Variants in KAT2B observed in about 807,000 individuals in gnomAD.
KAT2B encodes histone acetyltransferase KAT2B.
KAT2B carries 36 observed loss-of-function variants against 105.9 expected under a neutral mutation model. The observed-to-expected ratio is 0.34, with a 90% CI of 0.26 to 0.45. The LOEUF is 0.45. Ranked by LOEUF, KAT2B falls within the 20% of genes least tolerant of loss-of-function variation. KAT2B has a pLI of 1.00. For synonymous variants in KAT2B, 397 were observed against 377.9 expected, an observed-to-expected ratio of 1.05 and a Z score of -0.59; for missense variants, 820 against 1,021.6, an observed-to-expected ratio of 0.80 and a Z score of 2.69.
rs747790685 is a variant in KAT2B at position 20,140,265 on chromosome 3, C to T, written c.1905C>T (p.Gly635=). The change falls in exon 13 of 18, where the codon GGC becomes GGT. Residue 635 remains glycine, a synonymous_variant. Coordinates refer to ENST00000263754, the MANE Select transcript of KAT2B (RefSeq NM_003884.5). The part of the protein sequence containing the change: ...EIKIPKTKYV[G]YIKDYEGATL... Reference sequence around the variant, plus strand: ...AAATACCTAAAACCAAATATGTTGGCTATATCAAGGATTATGAAGGAGCCA... The same window carrying T: ...AAATACCTAAAACCAAATATGTTGGTTATATCAAGGATTATGAAGGAGCCA... The T allele has an allele frequency of 1.2e-6, 2 of 1,611,282 alleles. No individual in the cohort carries two copies. Among genetic ancestry groups the T allele is most frequent in the East Asian group, 2.2e-5 (1 of 44,850 alleles).
At chr3:20,143,856 G>A (rs1699736363) in intron 13 of KAT2B, among the ~76,000 whole-genome samples, 1 of 152,098 alleles carries the variant, frequency 6.6e-6, no homozygotes, top group Non-Finnish European at 1.5e-5. Context: ...ACAAAGATGG[G>A]AACAGTAGAC....
At chr3:20,128,269 A>G (rs1699446326) in intron 11 of KAT2B, among the ~76,000 whole-genome samples, 1 of 152,238 alleles carries the variant, frequency 6.6e-6, no homozygotes, top group Admixed American at 6.5e-5. Context: ...GTGACACTGA[A>G]CTACTGGAAA....
Position 20,108,366 on chromosome 3 carries a change from C to T in KAT2B, c.852-3230C>T, listed in dbSNP as rs545886111. On this transcript the variant is annotated intron_variant, in intron 5 of 17. Coordinates refer to ENST00000263754, the MANE Select transcript of KAT2B (RefSeq NM_003884.5). ...TTGGATAGCAGAGACATAGAATCAT[C>T]CCCATCATCAGTGAAAGCTTTATTG... 1.2e-3 allele frequency among the ~76,000 whole-genome samples: 178 copies of T among 152,268 alleles called. 1 individual carries two copies. Among genetic ancestry groups the T allele is most frequent in the Non-Finnish European group, 1.1e-3 (78 of 68,016 alleles).
chr3:20,130,545 A>C (rs772757307), intron 11 of KAT2B, among the ~76,000 whole-genome samples: 22 of 152,336 alleles, frequency 1.4e-4, no homozygotes, highest in African/African-American at 5.3e-4. Flanking sequence ...ATTTTCAAAG[A>C]TAGCTATACC....
chr3:20,085,969 C>CT (rs1278896779), intron 2 of KAT2B, among the ~76,000 whole-genome samples: 1 of 151,926 alleles, frequency 6.6e-6, no homozygotes, highest in East Asian at 1.9e-4. Context: ...CTCTTCTTAC[C>CT]TTTTAAAAAT....
At chr3:20,099,215 G>A (rs1458807440) in intron 3 of KAT2B, among the ~76,000 whole-genome samples, 1 of 152,150 alleles carries the variant, frequency 6.6e-6, no homozygotes, top group African/African-American at 2.4e-5. Flanking sequence ...GCATTGAGAT[G>A]CCAGAACAGT....
At chr3:20,125,098 A>C (rs1050021891) in intron 9 of KAT2B, among the ~76,000 whole-genome samples, 3 of 152,128 alleles carry the variant, frequency 2.0e-5, no homozygotes, top group African/African-American at 7.2e-5. Flanking sequence ...CGAGGCGGGC[A>C]GATCACGAGG....
At chr3:20,076,065 G>A (rs1698413706) in intron 2 of KAT2B, among the ~76,000 whole-genome samples, 1 of 151,942 alleles carries the variant, frequency 6.6e-6, no homozygotes, top group Non-Finnish European at 1.5e-5. Flanking sequence ...GGTTATCTGT[G>A]CACTATCTTA....
At chr3:20,128,658 T>C (rs1256354241) in intron 11 of KAT2B, among the ~76,000 whole-genome samples, 1 of 152,170 alleles carries the variant, frequency 6.6e-6, no homozygotes, top group African/African-American at 2.4e-5. Context: ...CTATACCTTG[T>C]CCTGTTCTAC....
intron 1 of KAT2B, among the ~76,000 whole-genome samples, chr3:20,052,938 T>C (rs1697940929): frequency 6.6e-6 from 1 of 152,228 alleles, no homozygotes; most frequent in Non-Finnish European, 1.5e-5. Flanking sequence ...ATTGCGCCAC[T>C]GCACTCCAGC....
Position 20,111,806 on chromosome 3 carries a change from T to C in KAT2B, c.1043+19T>C. ...TCCCAAAGTAAGGGAGAGTTTTTGCTGGTCTTTGTTTGATCCCAGAGCTTG... is the reference window on the plus strand; with the variant it reads ...TCCCAAAGTAAGGGAGAGTTTTTGCCGGTCTTTGTTTGATCCCAGAGCTTG... On this transcript the variant is annotated intron_variant, in intron 6 of 17. Coordinates refer to ENST00000263754, the MANE Select transcript of KAT2B (RefSeq NM_003884.5). 6.3e-7 allele frequency: 1 copy of C among 1,599,060 alleles called. No homozygotes were observed. Among genetic ancestry groups the C allele is most frequent in the Non-Finnish European group, 8.5e-7 (1 of 1,171,246 alleles).
intron 11 of KAT2B, among the ~76,000 whole-genome samples, chr3:20,134,883 C>T (rs538040224): frequency 6.6e-6 from 1 of 152,082 alleles, no homozygotes; most frequent in African/African-American, 2.4e-5. Flanking sequence ...CTTTTTTTTA[C>T]TTAATATGTC....
chr3:20,079,727 A>G (rs975394085), intron 2 of KAT2B, among the ~76,000 whole-genome samples: 1 of 152,146 alleles, frequency 6.6e-6, no homozygotes, highest in African/African-American at 2.4e-5. Flanking sequence ...CCATTTATAC[A>G]TGTACTGTGC....
At chr3:20,084,307 A>G (rs114312770) in intron 2 of KAT2B, among the ~76,000 whole-genome samples, 2,920 of 152,206 alleles carry the variant, frequency 0.019, 56 homozygotes, top group Non-Finnish European at 0.028. Context: ...TGTTTATTCT[A>G]GGAAGCTTAA....
intron 1 of KAT2B, among the ~76,000 whole-genome samples, chr3:20,045,413 C>T (rs975417305): frequency 1.1e-4 from 16 of 151,718 alleles, no homozygotes; most frequent in South Asian, 4.2e-4. Flanking sequence ...TACACTGGCA[C>T]GATCATAGCT....
chr3:20,049,855 TATAG>T (rs1329424799), intron 1 of KAT2B, among the ~76,000 whole-genome samples: 1 of 152,160 alleles, frequency 6.6e-6, no homozygotes, highest in East Asian at 1.9e-4. Context: ...CTACTCAGGC[TATAG>T]AAGGTGCCAA....
At chr3:20,068,145 C>T (rs1238879506) in intron 1 of KAT2B, among the ~76,000 whole-genome samples, 1 of 151,228 alleles carries the variant, frequency 6.6e-6, no homozygotes, top group Admixed American at 6.6e-5. Context: ...TACAGGTGTG[C>T]ACCACCATGC....
At chr3:20,096,324 A>G (rs545635030) in intron 3 of KAT2B, among the ~76,000 whole-genome samples, 2 of 152,238 alleles carry the variant, frequency 1.3e-5, no homozygotes, top group East Asian at 1.9e-4. Flanking sequence ...TCCATTCCCT[A>G]CTATAGACAT....
intron 5 of KAT2B, among the ~76,000 whole-genome samples, chr3:20,107,016 T>TATATATATATATATATATATATATA (rs1559316269): frequency 4.4e-5 from 1 of 22,528 alleles, no homozygotes; most frequent in Non-Finnish European, 7.7e-5. Flanking sequence ...TATATATATA[T>TATATATATATATATATATATATATA]TTTTTTTTTT....
Sources: gnomAD v4.1 joint callset for allele counts (sites outside exome capture counted in the v4.1 genomes callset) on GRCh38, gnomAD v4.1.1 for gene constraint, MANE v1.5 for transcripts, NCBI Gene and HGNC (gene_info 2026-07-23, HGNC 2026-07-21) for gene names.